PLBD1: variants seen among roughly 807,000 people sequenced by gnomAD.
PLBD1 encodes phospholipase B domain containing 1.
In PLBD1, 60 loss-of-function variants were observed where a neutral mutation model predicts 63.0. The observed-to-expected ratio is 0.95, with a 90% CI of 0.77 to 1.18. PLBD1 has a LOEUF of 1.18. Among genes scored for constraint, PLBD1 ranks in the 50% most tolerant of loss-of-function variants. The pLI, the probability that PLBD1 is intolerant of heterozygous loss-of-function variation, is 0.00. For synonymous variants in PLBD1, 262 were observed against 248.0 expected (o/e 1.06, Z -0.53); for missense variants, 598 against 677.9 (o/e 0.88, Z 1.31).
chr12:14,562,673 G>C (rs1324048829), intron 1 of PLBD1, among the ~76,000 whole-genome samples: 2 of 152,110 alleles, frequency 1.3e-5, no homozygotes, highest in African/African-American at 4.8e-5. Context: ...ATGTTCGAAA[G>C]ATTGTAACAT....
rs546586147 is a variant in PLBD1, at chr12:14,521,565, C to T, written c.845-9854G>A. ...ACATTGACTACAGCTGAAAAAACTG[C>T]ATGGTGACTACACTACTGCATCCAC... On this transcript the variant is annotated intron_variant, in intron 6 of 10. Coordinates refer to ENST00000240617, the MANE Select transcript of PLBD1 (RefSeq NM_024829.6). Among the ~76,000 whole-genome samples the T allele has an allele frequency of 1.2e-4, 18 of 152,254 alleles. No individual in the cohort carries two copies. The South Asian group carries it at 3.7e-3, about 32-fold the overall frequency.
chr12:14,514,902 T>A (rs1056382930), intron 6 of PLBD1, among the ~76,000 whole-genome samples: 1 of 152,116 alleles, frequency 6.6e-6, no homozygotes, highest in African/African-American at 2.4e-5. Flanking sequence ...TCATCTGTCA[T>A]TAGCAGCTTT....
At chr12:14,521,117 T>G (rs1489901812) in intron 6 of PLBD1, among the ~76,000 whole-genome samples, 1 of 152,186 alleles carries the variant, frequency 6.6e-6, no homozygotes, top group African/African-American at 2.4e-5. Flanking sequence ...GAGCAGCTAC[T>G]GTTTCCTATC....
At chr12:14,514,741 A>C (rs986375581) in intron 6 of PLBD1, among the ~76,000 whole-genome samples, 1 of 138,678 alleles carries the variant, frequency 7.2e-6, no homozygotes, top group African/African-American at 2.5e-5. Flanking sequence ...AATCTTTTTA[A>C]ATTTTTTTTT....
chr12:14,532,975 A>G (rs1348802022), intron 6 of PLBD1: 1 of 152,158 alleles, frequency 6.6e-6, no homozygotes, highest in African/African-American at 2.4e-5. Flanking sequence ...CACCTGGTAT[A>G]CTTTGGTATA....
chr12:14,535,623 C>T (rs369036214), intron 6 of PLBD1, 36 bp downstream of exon 6: 5 of 1,608,752 alleles, frequency 3.1e-6, no homozygotes, highest in Non-Finnish European at 4.3e-6. Flanking sequence ...AGGAATAGTA[C>T]TCAAAGTGCT....
At chr12:14,536,843 C>A in intron 4 of PLBD1, 133 bp from the exon 5 acceptor site, 2 of 1,186,068 alleles carry the variant, frequency 1.7e-6, no homozygotes, top group Non-Finnish European at 2.4e-6. Context: ...AATCCCAGCA[C>A]TTTGGGAGGC....
rs117556990 is a variant in PLBD1 at position 14,529,950 on chromosome 12, C to A, written c.844+5709G>T. Reference sequence around the variant, plus strand: ...AATCGTAATACATTGTGGTAGTTTTCAAATTTCCACAAATTCTTTGGCACC... The same window carrying A: ...AATCGTAATACATTGTGGTAGTTTTAAAATTTCCACAAATTCTTTGGCACC... On this transcript the variant is annotated intron_variant, in intron 6 of 10. Transcript: ENST00000240617. Among the ~76,000 whole-genome samples the A allele has an allele frequency of 3.9e-5, 6 of 152,272 alleles. 1 individual carries two copies. In the East Asian group the frequency reaches 1.2e-3, roughly 29 times the overall value.
chr12:14,537,265 G>A (rs1472008335), intron 4 of PLBD1, among the ~76,000 whole-genome samples: 4 of 152,116 alleles, frequency 2.6e-5, no homozygotes, highest in Non-Finnish European at 5.9e-5. Flanking sequence ...GAGTAAAACA[G>A]AGCTTTCTGT....
chr12:14,511,978 C>G (rs777055563), intron 6 of PLBD1, among the ~76,000 whole-genome samples: 28 of 152,118 alleles, frequency 1.8e-4, no homozygotes. Context: ...TATGTTAAAT[C>G]CAGAACATTG....
In PLBD1 at chr12:14,507,098, C is replaced by T. The variant is rs775015617; in HGVS notation, c.1207G>A (p.Val403Ile). The T allele has an allele frequency of 6.2e-7, 1 of 1,609,784 alleles. No homozygotes were observed. Among genetic ancestry groups the T allele is most frequent in the Non-Finnish European group, 8.5e-7 (1 of 1,176,984 alleles). The change falls in exon 9 of 11, where the codon GTT (valine) becomes ATT (isoleucine). Residue 403 changes from valine to isoleucine, a missense_variant. Physicochemically the swap from Val to Ile is conservative, Grantham distance 29. Coordinates refer to ENST00000240617, the MANE Select transcript of PLBD1 (RefSeq NM_024829.6). Reference sequence around the variant, plus strand: ...TTGTAGATTTTTTCATGGAAAGGAACATTGTAGGAGGGCCAATATCCTGAT... The same window carrying T: ...TTGTAGATTTTTTCATGGAAAGGAATATTGTAGGAGGGCCAATATCCTGAT... ...LRKGYWPSYN[V>I]PFHEKIYNWS...
At chr12:14,550,925 C>T (rs966401683) in intron 2 of PLBD1, among the ~76,000 whole-genome samples, 23 of 151,808 alleles carry the variant, frequency 1.5e-4, no homozygotes, top group South Asian at 1.0e-3. Context: ...CACCTGTAGG[C>T]TCAACTACTG....
At chr12:14,524,366 T>A (rs111696469) in intron 6 of PLBD1, among the ~76,000 whole-genome samples, 2 of 152,310 alleles carry the variant, frequency 1.3e-5, no homozygotes, top group South Asian at 4.1e-4. Context: ...AATACCATGA[T>A]TTGTTCACTA....
intron 4 of PLBD1, among the ~76,000 whole-genome samples, chr12:14,537,019 G>A (rs1945523544): frequency 6.6e-6 from 1 of 151,030 alleles, no homozygotes; most frequent in East Asian, 2.0e-4. Context: ...AACCCAGGAG[G>A]CGGAGGTTGC....
chr12:14,515,408 T>TA (rs201873875), intron 6 of PLBD1, among the ~76,000 whole-genome samples: 29 of 147,056 alleles, frequency 2.0e-4, no homozygotes, highest in East Asian at 5.9e-4. Flanking sequence ...GAAAGGTACT[T>TA]AAAAAAAAAA....
intron 8 of PLBD1, 59 bp from the exon 9 acceptor site, chr12:14,507,177 A>G: frequency 7.8e-7 from 1 of 1,278,428 alleles, no homozygotes; most frequent in Non-Finnish European, 1.1e-6. Flanking sequence ...ACAGAAAAGG[A>G]GAGAGAGCAA....
intron 4 of PLBD1, among the ~76,000 whole-genome samples, chr12:14,539,891 T>C (rs1307578825): frequency 6.7e-6 from 1 of 149,648 alleles, no homozygotes; most frequent in African/African-American, 2.5e-5. Context: ...TATATACACA[T>C]ATATATACAC....
intron 9 of PLBD1, among the ~76,000 whole-genome samples, 190 bp from the exon 10 acceptor site, chr12:14,506,458 C>T (rs1201941393): frequency 6.6e-6 from 1 of 152,216 alleles, no homozygotes; most frequent in Non-Finnish European, 1.5e-5. Flanking sequence ...TCCTTGGCCC[C>T]AGGCCCAGCC....
At chr12:14,561,122 G>T (rs917542148) in intron 1 of PLBD1, among the ~76,000 whole-genome samples, 1 of 151,066 alleles carries the variant, frequency 6.6e-6, no homozygotes, top group African/African-American at 2.4e-5. Flanking sequence ...TAAAAGGCAA[G>T]TGAGAGGATG....
Sources: allele counts gnomAD v4.1 joint callset (sites outside exome capture counted in the v4.1 genomes callset), GRCh38; gene constraint gnomAD v4.1.1; transcripts MANE v1.5; gene names NCBI Gene and HGNC (gene_info 2026-07-23, HGNC 2026-07-21).